Variants in DUSP16 observed in about 807,000 individuals in gnomAD.
DUSP16 encodes dual specificity protein phosphatase 16.
In DUSP16, 21 loss-of-function variants were observed where a neutral mutation model predicts 58.3. The ratio of observed to expected loss-of-function variants is 0.36; its 90% CI spans 0.26 to 0.52. The LOEUF (loss-of-function observed/expected upper bound fraction) is 0.52. DUSP16 is among the 20% of genes least tolerant of loss of function. The pLI, the probability that DUSP16 is intolerant of heterozygous loss-of-function variation, is 0.94. For missense variants in DUSP16, 726 were observed against 819.0 expected, an observed-to-expected ratio of 0.89 and a Z score of 1.39; for synonymous variants, 320 against 323.8, an observed-to-expected ratio of 0.99 and a Z score of 0.12.
intron 1 of DUSP16, among the ~76,000 whole-genome samples, chr12:12,529,735 TC>T (rs1372417642): frequency 6.6e-6 from 1 of 152,184 alleles, no homozygotes; most frequent in East Asian, 1.9e-4. Flanking sequence ...ACTCTCTACT[TC>T]CATGAGATCA....
At chr12:12,484,771 G>GCCA (rs1943646819) in intron 5 of DUSP16, among the ~76,000 whole-genome samples, 1 of 151,708 alleles carries the variant, frequency 6.6e-6, no homozygotes, top group South Asian at 2.1e-4. Context: ...ACAGGTGCCC[G>GCCA]CCACCATGCC....
At position 12,535,873 on chromosome 12, in the gene DUSP16, A is replaced by G. The variant is rs575607385; in HGVS notation, c.-365-14410T>C. Among the ~76,000 whole-genome samples the G allele has an allele frequency of 6.6e-5, 10 of 152,366 alleles. No individual in the cohort carries two copies. The South Asian group carries it at 2.1e-3, about 32-fold the overall frequency. On this transcript the variant is annotated intron_variant, in intron 1 of 6. Transcript: ENST00000298573. ...AACGCATGAGCAAAGACAGAGGGAT[A>G]ACAAACTGTATGCAGGCTTTCCTGG...
At chr12:12,509,406 C>T (rs2136221558) in intron 3 of DUSP16, among the ~76,000 whole-genome samples, 1 of 152,128 alleles carries the variant, frequency 6.6e-6, no homozygotes, top group Non-Finnish European at 1.5e-5. Context: ...ACACTCAAAC[C>T]CTCTGAACAC....
chr12:12,537,454 C>A (rs1164822541), intron 1 of DUSP16, among the ~76,000 whole-genome samples: 2 of 152,122 alleles, frequency 1.3e-5, no homozygotes, highest in Non-Finnish European at 2.9e-5. Flanking sequence ...CCAAATGTAA[C>A]CTTCAGTATC....
At chr12:12,540,693 GTATT>G (rs1944538795) in intron 1 of DUSP16, among the ~76,000 whole-genome samples, 1 of 152,130 alleles carries the variant, frequency 6.6e-6, no homozygotes, top group Admixed American at 6.5e-5. Context: ...TCCCACCTAT[GTATT>G]TATTCTGGAC....
intron 5 of DUSP16, among the ~76,000 whole-genome samples, chr12:12,483,203 A>C (rs1390725518): frequency 6.6e-6 from 1 of 152,208 alleles, no homozygotes; most frequent in Non-Finnish European, 1.5e-5. Flanking sequence ...GAGAAGTTAC[A>C]AAAGCTAAAA....
intron 3 of DUSP16, among the ~76,000 whole-genome samples, chr12:12,507,024 C>T (rs1014453975): frequency 7.2e-5 from 11 of 152,068 alleles, no homozygotes; most frequent in African/African-American, 1.5e-4. Context: ...TAAAAGCAAA[C>T]GTGAACCACC....
At chr12:12,504,585 C>A (rs745644629) in intron 3 of DUSP16, among the ~76,000 whole-genome samples, 1 of 150,386 alleles carries the variant, frequency 6.6e-6, no homozygotes, top group Non-Finnish European at 1.5e-5. Context: ...CTCTAAAGAA[C>A]TGTCTTCATA....
intron 1 of DUSP16, among the ~76,000 whole-genome samples, chr12:12,531,993 C>T (rs1944394264): frequency 6.6e-6 from 1 of 151,136 alleles, no homozygotes; most frequent in African/African-American, 2.4e-5. Flanking sequence ...CCCGTCTCTA[C>T]TAAAAATACA....
chr12:12,531,026 T>C (rs1196482894), intron 1 of DUSP16, among the ~76,000 whole-genome samples: 6 of 152,156 alleles, frequency 3.9e-5, no homozygotes, highest in African/African-American at 7.2e-5. Flanking sequence ...TATTAATATA[T>C]GCACCCCCTC....
chr12:12,509,817 T>A (rs1047656079), intron 3 of DUSP16, among the ~76,000 whole-genome samples: 1 of 152,172 alleles, frequency 6.6e-6, no homozygotes, highest in African/African-American at 2.4e-5. Flanking sequence ...TCCGAAGGAT[T>A]TCCTGATTCC....
chr12:12,534,885 T>A (rs1255672434), intron 1 of DUSP16, among the ~76,000 whole-genome samples: 4 of 152,236 alleles, frequency 2.6e-5, no homozygotes, highest in African/African-American at 9.6e-5. Context: ...TTGGTTATAC[T>A]AAGTAAAGAT....
rs1943485976 is a variant in DUSP16, at chr12:12,477,847, C to G, written c.984G>C (p.Glu328Asp). The G allele has an allele frequency of 6.2e-7, 1 of 1,614,100 alleles. No homozygotes were observed. Among genetic ancestry groups the G allele is most frequent in the East Asian group, 2.2e-5 (1 of 44,876 alleles). ...GGGGCGTCTCGCTTTTCTGTCCACC[C>G]TCTGAGACAGCAGGGACAGGTTCAT... ...KPNEPVPAVS[E>D]GGQKSETPLS... Residue 328 changes from glutamate to aspartate, a missense_variant, in exon 7 of 7, where the codon GAG becomes GAC. Glu to Asp is a conservative substitution (Grantham distance 45). Transcript: ENST00000298573. This position sits in a 1 kb window ranked among gnomAD's most constrained non-coding sequence, Gnocchi z 4.1.
intron 1 of DUSP16, among the ~76,000 whole-genome samples, chr12:12,528,282 G>C (rs1185052987): frequency 6.6e-6 from 1 of 151,960 alleles, no homozygotes; most frequent in South Asian, 2.1e-4. Flanking sequence ...CTCCAGACAC[G>C]CTGCCTGAAA....
chr12:12,519,617 T>G (rs1416929685), intron 3 of DUSP16, among the ~76,000 whole-genome samples: 2 of 152,218 alleles, frequency 1.3e-5, no homozygotes, highest in African/African-American at 4.8e-5. Flanking sequence ...TGCAAATCTA[T>G]GTGGCACTAC....
chr12:12,510,441 A>G (rs1235249385), intron 3 of DUSP16, among the ~76,000 whole-genome samples: 1 of 152,234 alleles, frequency 6.6e-6, no homozygotes, highest in Non-Finnish European at 1.5e-5. Flanking sequence ...TAAGCCATCT[A>G]GCCACAGGCT....
At chr12:12,510,130 A>T (rs1944054089) in intron 3 of DUSP16, among the ~76,000 whole-genome samples, 1 of 152,072 alleles carries the variant, frequency 6.6e-6, no homozygotes, top group Non-Finnish European at 1.5e-5. Context: ...AGAGTCCCGT[A>T]ATATATCTCC....
At chr12:12,548,886 G>C (rs897104675) in intron 1 of DUSP16, among the ~76,000 whole-genome samples, 5 of 152,082 alleles carry the variant, frequency 3.3e-5, no homozygotes, top group Middle Eastern at 3.4e-3. Flanking sequence ...GATTTCAAGT[G>C]GGTTGTCCTC....
chr12:12,476,895 GC>G lies in DUSP16; in HGVS notation c.1935del (p.Glu645AspfsTer76). 2 of 1,613,422 alleles carry G rather than the reference GC, an allele frequency of 1.2e-6. No individual in the cohort carries two copies. Among genetic ancestry groups the G allele is most frequent in the Non-Finnish European group, 1.7e-6 (2 of 1,180,006 alleles). Reference protein sequence around the residue: ...SIMSENRSREELGKVGSQSSF... With the variant: ...SIMSENRSREXLGKVGSQSSF... ...CTAGACTGACTGCCCACTTTCCCCA[GC>G]TCTTCCCGTGACCTGTTCTCTGACA... is the stretch of plus-strand genomic sequence containing the variant. On this transcript the variant is annotated frameshift_variant, in exon 7 of 7. Transcript: ENST00000298573. LOFTEE classifies it high-confidence loss of function.
Sources: gnomAD v4.1 joint callset for allele counts (sites outside exome capture counted in the v4.1 genomes callset) on GRCh38, gnomAD v4.1.1 for gene constraint, Gnocchi (gnomAD v3.1) non-coding constraint, MANE v1.5 for transcripts, NCBI Gene and HGNC (gene_info 2026-07-23, HGNC 2026-07-21) for gene names.